Variants in TGDS observed in about 807,000 individuals in gnomAD.
The protein encoded by TGDS is UDP-D-glucose 4,6-dehydratase.
TGDS carries 47 observed loss-of-function variants against 52.3 expected under a neutral mutation model. The ratio of observed to expected loss-of-function variants is 0.90; its 90% CI spans 0.71 to 1.15. The LOEUF (loss-of-function observed/expected upper bound fraction) is 1.15. Ranked by LOEUF, TGDS falls within the 50% of genes most tolerant of loss-of-function variation. The pLI, the probability that TGDS is intolerant of heterozygous loss-of-function variation, is 0.00. For synonymous variants in TGDS, 115 were observed against 136.9 expected (o/e 0.84, Z 1.12); for missense variants, 375 against 418.4 (o/e 0.90, Z 0.90).
intron 6 of TGDS, 106 bp from the exon 7 acceptor site, chr13:94,580,059 C>A (rs1173095744): frequency 5.9e-6 from 4 of 678,810 alleles, no homozygotes; most frequent in African/African-American, 5.5e-5. Context: ...CTAAATAATT[C>A]CACACACCTT....
rs181777573 is a variant in TGDS at position 94,595,183 on chromosome 13, A to C, written c.86+868T>G. ...CAAACAGCCTAAGGAAAGGGGAAGC[A>C]AGTGCAAAGGCCTCAAGACAGAAGT... On this transcript the variant is annotated intron_variant, in intron 1 of 11. Transcript: ENST00000261296. 7.0e-4 allele frequency among the ~76,000 whole-genome samples: 107 copies of C among 152,326 alleles called. No homozygotes were observed. The Middle Eastern group carries it at 0.01, about 15-fold the overall frequency.
Position 94,576,431 on chromosome 13 carries a change from T to C in TGDS, c.885-20A>G. ...GTGGGTCTTGGAAAACAAAACAGAT[T>C]TAAAATAATATTGTAGATATATATT... On this transcript the variant is annotated intron_variant, in intron 10 of 11. Coordinates refer to ENST00000261296, the MANE Select transcript of TGDS (RefSeq NM_014305.4). 1 of 1,495,634 alleles carries C rather than the reference T, an allele frequency of 6.7e-7. No homozygotes were observed. The highest frequency in any genetic ancestry group is 9.1e-7 in the Non-Finnish European group (1 of 1,097,218). 92.6% of individuals were successfully genotyped at this position (1,495,634 alleles called of 1,614,324 possible).
Position 94,576,424 on chromosome 13 carries a change from A to T in TGDS, c.885-13T>A. On this transcript the variant is annotated splice_polypyrimidine_tract_variant and intron_variant, in intron 10 of 11. Transcript: ENST00000261296. ...GTCATTGGTGGGTCTTGGAAAACAAAACAGATTTAAAATAATATTGTAGAT... is the reference window on the plus strand; with the variant it reads ...GTCATTGGTGGGTCTTGGAAAACAATACAGATTTAAAATAATATTGTAGAT... The T allele has an allele frequency of 6.6e-7, 1 of 1,521,042 alleles. No individual in the cohort carries two copies. The highest frequency in any genetic ancestry group is 8.9e-7 in the Non-Finnish European group (1 of 1,117,534). 94.2% of individuals were successfully genotyped at this position (1,521,042 alleles called of 1,614,324 possible).
Position 94,591,076 on chromosome 13 carries a change from G to T in TGDS, c.223-133C>A, listed in dbSNP as rs909521096. 3 of 619,268 alleles carry T rather than the reference G, an allele frequency of 4.8e-6. No homozygotes were observed. In the African/African-American group the frequency reaches 5.9e-5, roughly 12 times the overall value. 38.4% of individuals were successfully genotyped at this position (619,268 alleles called of 1,614,324 possible). A position where few individuals can be genotyped will look rare whatever the true frequency, so the allele number is the denominator to read the frequency against. Reference sequence around the variant, plus strand: ...GAATGCCTTGAAAATTCAACTAAGTGCTCAAACAAGGATACCAATGATGTA... The same window carrying T: ...GAATGCCTTGAAAATTCAACTAAGTTCTCAAACAAGGATACCAATGATGTA... On this transcript the variant is annotated intron_variant, in intron 3 of 11. Transcript: ENST00000261296.
chr13:94,594,630 G>A (rs570448585), intron 1 of TGDS, among the ~76,000 whole-genome samples: 1 of 152,120 alleles, frequency 6.6e-6, no homozygotes, highest in East Asian at 1.9e-4. Context: ...GTTTGTATTC[G>A]GCATTCCTTT....
rs778906007 is a variant in TGDS, at chr13:94,574,879, A to G, written c.983-27T>C. ...TAATAGGAAAAAACAAAAGACAAAAAAAAAAAAGAAAAGAAAGAAAAACTA... is the reference window on the plus strand; with the variant it reads ...TAATAGGAAAAAACAAAAGACAAAAGAAAAAAAGAAAAGAAAGAAAAACTA... On this transcript the variant is annotated intron_variant, in intron 11 of 11. Coordinates refer to ENST00000261296, the MANE Select transcript of TGDS (RefSeq NM_014305.4). 6.5e-6 allele frequency: 9 copies of G among 1,394,474 alleles called. No individual in the cohort carries two copies. The South Asian group carries it at 1.0e-4, about 15-fold the overall frequency. The allele number at this position is 1,394,474 out of a possible 1,614,324, so 86.4% of individuals were successfully genotyped here.
chr13:94,575,888 C>G (rs1888582274), intron 11 of TGDS, among the ~76,000 whole-genome samples: 1 of 151,966 alleles, frequency 6.6e-6, no homozygotes, highest in South Asian at 2.1e-4. Context: ...ATATAAAAAG[C>G]CTCAAGACAC....
chr13:94,574,541 C>G lies in TGDS; in HGVS notation c.*241G>C, dbSNP rs144609397. On this transcript the variant is annotated 3_prime_UTR_variant, in exon 12 of 12. Transcript: ENST00000261296. Reference sequence around the variant, plus strand: ...CTACCCTTAGGGAGAGTCTTCTACACCTATTATTTCCTAGTTTCTAGGAGA... The same window carrying G: ...CTACCCTTAGGGAGAGTCTTCTACAGCTATTATTTCCTAGTTTCTAGGAGA... 5.5e-3 allele frequency: 2,412 copies of G among 441,634 alleles called. 50 individuals are homozygous for G. Among genetic ancestry groups the G allele is most frequent in the African/African-American group, 0.043 (2,127 of 48,924 alleles). 27.4% of individuals were successfully genotyped at this position (441,634 alleles called of 1,614,324 possible). A position where few individuals can be genotyped will look rare whatever the true frequency, so the allele number is the denominator to read the frequency against.
chr13:94,575,798 C>T (rs886918690), intron 11 of TGDS, among the ~76,000 whole-genome samples: 1 of 151,998 alleles, frequency 6.6e-6, no homozygotes, highest in Admixed American at 6.6e-5. Context: ...ACAGCTTTAA[C>T]ATGTATACAC....
intron 2 of TGDS, 93 bp downstream of exon 2, chr13:94,593,748 T>C: frequency 2.1e-6 from 2 of 943,114 alleles, no homozygotes; most frequent in Non-Finnish European, 3.3e-6. Flanking sequence ...AAATAAAAAA[T>C]TTAAATATCA....
rs770802620 is a variant in TGDS, at chr13:94,590,834, A to T, written c.313+19T>A. ...GGAGAGAACTGCCAATCATAACTGTAACATAAAACAATGCTTACCTACATG... is the reference window on the plus strand; with the variant it reads ...GGAGAGAACTGCCAATCATAACTGTTACATAAAACAATGCTTACCTACATG... On this transcript the variant is annotated intron_variant, in intron 4 of 11. Coordinates refer to ENST00000261296, the MANE Select transcript of TGDS (RefSeq NM_014305.4). The T allele has an allele frequency of 9.6e-5, 148 of 1,540,654 alleles. 1 individual carries two copies. In the South Asian group the frequency reaches 1.7e-3, roughly 18 times the overall value.
At chr13:94,587,169 TAGAG>T (rs1889020694) in intron 4 of TGDS, among the ~76,000 whole-genome samples, 1 of 82,888 alleles carries the variant, frequency 1.2e-5, no homozygotes, top group Non-Finnish European at 2.4e-5. Flanking sequence ...ATGCATACAT[TAGAG>T]AAAACGTGAA....
chr13:94,577,420 T>G lies in TGDS; in HGVS notation c.835A>C (p.Thr279Pro), dbSNP rs529621348. 1 of 1,570,058 alleles carries G rather than the reference T, an allele frequency of 6.4e-7. No individual in the cohort carries two copies. The highest frequency in any genetic ancestry group is 2.0e-5 in the Admixed American group (1 of 51,032). ...TTTTCCATTTCAGACTCTGAATTGG[T>G]CTCTTTGATCTGTCAAAATGGAAAA... ...AKELIQLIKETNSESEMENWV... is the reference protein window; with the variant it reads ...AKELIQLIKEPNSESEMENWV... The change falls in exon 10 of 12, where the codon ACC becomes CCC. Residue 279 changes from threonine (T) to proline (P), a missense_variant. By Grantham distance (38) the Thr-to-Pro change is conservative. Transcript: ENST00000261296.
At chr13:94,575,819 T>C (rs1417445557) in intron 11 of TGDS, among the ~76,000 whole-genome samples, 3 of 152,148 alleles carry the variant, frequency 2.0e-5, no homozygotes, top group South Asian at 2.1e-4. Context: ...AGACTTTATA[T>C]GCACTTATTT....
intron 4 of TGDS, among the ~76,000 whole-genome samples, chr13:94,585,134 C>T (rs1888932563): frequency 6.6e-6 from 1 of 152,034 alleles, no homozygotes; most frequent in Admixed American, 6.6e-5. Flanking sequence ...ACTGCCACCT[C>T]TGCCTCCCAG....
chr13:94,578,905 T>C (rs1888698428), intron 7 of TGDS, 132 bp from the exon 8 acceptor site: 3 of 519,546 alleles, frequency 5.8e-6, no homozygotes, highest in Non-Finnish European at 1.0e-5. Context: ...ATCAGTTTAT[T>C]AAAAAACCTA....
intron 4 of TGDS, among the ~76,000 whole-genome samples, chr13:94,586,255 T>C (rs1480573920): frequency 1.3e-5 from 2 of 152,100 alleles, no homozygotes; most frequent in Non-Finnish European, 2.9e-5. Flanking sequence ...TCCAAATACA[T>C]GTTGTTTACA....
intron 4 of TGDS, among the ~76,000 whole-genome samples, chr13:94,589,080 G>C (rs536871912): frequency 9.2e-5 from 14 of 152,100 alleles, no homozygotes; most frequent in Admixed American, 8.5e-4. Flanking sequence ...GAGAATTTAA[G>C]AACTGAAAAA....
rs1427732353 is a variant in TGDS at position 94,578,877 on chromosome 13, T to C, written c.616-104A>G. 3 of 615,688 alleles carry C rather than the reference T, an allele frequency of 4.9e-6. No homozygotes were observed. The East Asian group carries it at 9.2e-5, about 19-fold the overall frequency. The allele number at this position is 615,688 out of a possible 1,614,324, so 38.1% of individuals were successfully genotyped here. A position where few individuals can be genotyped will look rare whatever the true frequency, so the allele number is the denominator to read the frequency against. The stretch of plus-strand genomic sequence containing the variant: ...GATTATTAAGAAATATGCATATGGA[T>C]TGCTTCTAATTATTTTTATCAGTTT... On this transcript the variant is annotated intron_variant, in intron 7 of 11. Transcript: ENST00000261296.
Sources: gnomAD v4.1 joint callset for allele counts (sites outside exome capture counted in the v4.1 genomes callset) on GRCh38, gnomAD v4.1.1 for gene constraint, MANE v1.5 for transcripts, NCBI Gene and HGNC (gene_info 2026-07-23, HGNC 2026-07-21) for gene names.